The following CDC42EP4 variants were observed in gnomAD, a reference collection of about 807,000 sequenced individuals.
The protein encoded by CDC42EP4 is CDC42 effector protein (Rho GTPase binding) 4.
A neutral mutation model predicts 5.6 loss-of-function variants in CDC42EP4; 6 were observed. That is an observed-to-expected ratio of 1.07 (90% confidence interval 0.59 to 2.12). The LOEUF (loss-of-function observed/expected upper bound fraction) is 2.12. Among genes scored for constraint, CDC42EP4 ranks in the 30% most tolerant of loss-of-function variants. CDC42EP4 has a pLI of 0.00. For missense variants in CDC42EP4, 490 were observed against 508.6 expected, an observed-to-expected ratio of 0.96 and a Z score of 0.35; for synonymous variants, 230 against 224.2, an observed-to-expected ratio of 1.03 and a Z score of -0.23.
chr17:73,295,651 C>T (rs1316052144), intron 1 of CDC42EP4, among the ~76,000 whole-genome samples: 2 of 151,974 alleles, frequency 1.3e-5, no homozygotes, highest in Non-Finnish European at 2.9e-5. Flanking sequence ...GCCTGTAATC[C>T]CAGCACTTTG....
At chr17:73,291,464 C>T (rs1303448138) in intron 1 of CDC42EP4, among the ~76,000 whole-genome samples, 3 of 152,178 alleles carry the variant, frequency 2.0e-5, no homozygotes, top group Non-Finnish European at 4.4e-5. Flanking sequence ...TAACAGAGAA[C>T]AGTTTGGAGG....
chr17:73,292,906 C>G (rs914128726), intron 1 of CDC42EP4, among the ~76,000 whole-genome samples: 1 of 152,164 alleles, frequency 6.6e-6, no homozygotes, highest in African/African-American at 2.4e-5. Flanking sequence ...TTTGGAGAGA[C>G]CAGGTTTCAC....
intron 1 of CDC42EP4, among the ~76,000 whole-genome samples, chr17:73,301,969 C>T (rs574072669): frequency 4.6e-5 from 7 of 151,878 alleles, no homozygotes; most frequent in South Asian, 4.2e-4. Context: ...GGATTACAGG[C>T]GTGAGCCACC....
intron 1 of CDC42EP4, among the ~76,000 whole-genome samples, chr17:73,298,793 C>T (rs914018028): frequency 2.0e-5 from 3 of 152,208 alleles, no homozygotes; most frequent in Admixed American, 6.5e-5. Flanking sequence ...AGTTCTCATT[C>T]ACTGGGCTCC....
chr17:73,307,662 A>G (rs2062251188), intron 1 of CDC42EP4, among the ~76,000 whole-genome samples: 2 of 150,294 alleles, frequency 1.3e-5, no homozygotes, highest in South Asian at 2.1e-4. Flanking sequence ...GTTAGTCAGG[A>G]TGGTCTCGAT....
rs1314299082 is a variant in CDC42EP4, at chr17:73,311,291, G to A, written c.-113+602C>T. 6 of 152,552 alleles carry A rather than the reference G, an allele frequency of 3.9e-5. No individual in the cohort carries two copies. In the East Asian group the frequency reaches 1.2e-3, roughly 29 times the overall value. The allele number at this position is 152,552 out of a possible 1,614,324, so 9.4% of individuals were successfully genotyped here. On this transcript the variant is annotated intron_variant, in intron 1 of 1. Transcript: ENST00000335793. ...TTGTTCCTTCGGCCATTCCCTTCCA[G>A]ACAGCTCCTTCCCTCTGGCTTCCCG...
chr17:73,287,551 A>C (rs1471227238), intron 1 of CDC42EP4, among the ~76,000 whole-genome samples: 1 of 152,162 alleles, frequency 6.6e-6, no homozygotes, highest in Non-Finnish European at 1.5e-5. Flanking sequence ...GACAAGGGCC[A>C]AGTTGAAGTT....
rs1403250577 is a variant in CDC42EP4 at position 73,286,761 on chromosome 17, G to A, written c.-112-149C>T. On this transcript the variant is annotated intron_variant, in intron 1 of 1. Transcript: ENST00000335793. The surrounding 1 kb of genome is among the most constrained non-coding windows in gnomAD (Gnocchi z 7.7). ...AGCCAGCAATCCATGGTATAACCCT[G>A]CCTGTTTCTTCATCCGCAGGCATTC... The A allele has an allele frequency of 2.4e-5, 11 of 462,182 alleles. No homozygotes were observed. 28.6% of individuals were successfully genotyped at this position (462,182 alleles called of 1,614,324 possible).
At position 73,286,625 on chromosome 17, in the gene CDC42EP4, A is replaced by C; in HGVS notation, c.-112-13T>G. The C allele has an allele frequency of 2.9e-6, 2 of 689,524 alleles. No homozygotes were observed. The highest frequency in any genetic ancestry group is 3.6e-5 in the African/African-American group (2 of 55,638). 42.7% of individuals were successfully genotyped at this position (689,524 alleles called of 1,614,324 possible). A position where few individuals can be genotyped will look rare whatever the true frequency, so the allele number is the denominator to read the frequency against. Reference sequence around the variant, plus strand: ...GGAGATCATAAGGCTGCAAGCAGAGAATGAGAGGCAAAGGATTAACGCGGG... The same window carrying C: ...GGAGATCATAAGGCTGCAAGCAGAGCATGAGAGGCAAAGGATTAACGCGGG... On this transcript the variant is annotated splice_polypyrimidine_tract_variant and intron_variant, in intron 1 of 1. Transcript: ENST00000335793. The surrounding 1 kb of genome is among the most constrained non-coding windows in gnomAD (Gnocchi z 7.7).
At chr17:73,296,237 A>AC (rs2062184067) in intron 1 of CDC42EP4, among the ~76,000 whole-genome samples, 1 of 150,486 alleles carries the variant, frequency 6.6e-6, no homozygotes, top group Admixed American at 6.6e-5. Context: ...TACAAAAAAA[A>AC]AAAAAATTAA....
intron 1 of CDC42EP4, among the ~76,000 whole-genome samples, chr17:73,298,744 C>T (rs2062201376): frequency 6.6e-6 from 1 of 152,122 alleles, no homozygotes; most frequent in African/African-American, 2.4e-5. Context: ...TCCCTAATCC[C>T]CTCCTACCCC....
intron 1 of CDC42EP4, among the ~76,000 whole-genome samples, chr17:73,300,630 T>C (rs1190594922): frequency 6.6e-6 from 1 of 152,096 alleles, no homozygotes; most frequent in Admixed American, 6.6e-5. Context: ...ACTTAATGGG[T>C]ACAATGTACA....
intron 1 of CDC42EP4, among the ~76,000 whole-genome samples, chr17:73,296,725 G>A (rs1327343036): frequency 6.6e-6 from 1 of 152,068 alleles, no homozygotes; most frequent in Non-Finnish European, 1.5e-5. Context: ...GCTCACGCCT[G>A]TAATCCCAGC....
chr17:73,296,472 G>A (rs2062186431), intron 1 of CDC42EP4, among the ~76,000 whole-genome samples: 1 of 151,008 alleles, frequency 6.6e-6, no homozygotes, highest in Non-Finnish European at 1.5e-5. Context: ...CAGTGATGGA[G>A]GAATGGAATG....
At position 73,285,346 on chromosome 17, in the gene CDC42EP4, G is replaced by T; in HGVS notation, c.*84C>A. On this transcript the variant is annotated 3_prime_UTR_variant, in exon 2 of 2. Transcript: ENST00000335793. The surrounding 1 kb of genome is among the most constrained non-coding windows in gnomAD (Gnocchi z 6.8). The stretch of plus-strand genomic sequence containing the variant: ...TGAATCAAGGGTCCTGGCTGCCCCT[G>T]CGCCGTAGGGTCAAAGGTCATAGTG... The T allele has an allele frequency of 2.6e-6, 3 of 1,135,380 alleles. No homozygotes were observed. Among genetic ancestry groups the T allele is most frequent in the East Asian group, 2.4e-5 (1 of 42,108 alleles). The allele number at this position is 1,135,380 out of a possible 1,614,324, so 70.3% of individuals were successfully genotyped here. A position where few individuals can be genotyped will look rare whatever the true frequency, so the allele number is the denominator to read the frequency against.
intron 1 of CDC42EP4, among the ~76,000 whole-genome samples, chr17:73,305,356 C>T (rs943579164): frequency 1.3e-5 from 2 of 152,204 alleles, no homozygotes; most frequent in Admixed American, 1.3e-4. Context: ...TACTGGGCAG[C>T]AGGGTGCCTC....
At chr17:73,307,093 TGAAGGGGA>T (rs914383702) in intron 1 of CDC42EP4, 1 of 152,204 alleles carries the variant, frequency 6.6e-6, no homozygotes, top group African/African-American at 2.4e-5. Context: ...ATCTTTGGGG[TGAAGGGGA>T]AACACCAGGT....
At chr17:73,297,295 CAAAAAAAAAA>C (rs771033180) in intron 1 of CDC42EP4, among the ~76,000 whole-genome samples, 1 of 101,184 alleles carries the variant, frequency 9.9e-6, no homozygotes, top group African/African-American at 4.0e-5. Flanking sequence ...ACTTCGTCTC[CAAAAAAAAAA>C]AAAAACACAC....
intron 1 of CDC42EP4, among the ~76,000 whole-genome samples, chr17:73,304,772 A>C (rs1409276998): frequency 6.6e-6 from 1 of 152,162 alleles, no homozygotes; most frequent in East Asian, 1.9e-4. Flanking sequence ...GCAGTTGTGC[A>C]CACAATTTCA....
Sources: gnomAD v4.1 joint callset for allele counts (sites outside exome capture counted in the v4.1 genomes callset) on GRCh38, gnomAD v4.1.1 for gene constraint, Gnocchi (gnomAD v3.1) non-coding constraint, MANE v1.5 for transcripts, NCBI Gene and HGNC (gene_info 2026-07-23, HGNC 2026-07-21) for gene names.